Variants in RBFOX3 observed in about 807,000 individuals in gnomAD.
The protein encoded by RBFOX3 is RNA binding fox-1 homolog 3, also known as RNA binding protein fox-1 homolog 3.
In RBFOX3, 17 loss-of-function variants were observed where a neutral mutation model predicts 48.7. That is an observed-to-expected ratio of 0.35 (90% CI 0.24 to 0.52). The LOEUF (loss-of-function observed/expected upper bound fraction) is 0.52. Among genes scored for constraint, RBFOX3 ranks in the 20% least tolerant of loss-of-function variants. The pLI, the probability that RBFOX3 is intolerant of heterozygous loss-of-function variation, is 0.94. For synonymous variants in RBFOX3, 212 were observed against 209.5 expected, an observed-to-expected ratio of 1.01 and a Z score of -0.10; for missense variants, 382 against 497.5, an observed-to-expected ratio of 0.77 and a Z score of 2.21.
chr17:79,479,016 G>A lies in RBFOX3; in HGVS notation c.-175+3438C>T, dbSNP rs2078388254. Among the ~76,000 whole-genome samples, 1 of 152,170 alleles carries A rather than the reference G, an allele frequency of 6.6e-6. No homozygotes were observed. Among genetic ancestry groups the A allele is most frequent in the African/African-American group, 2.4e-5 (1 of 41,440 alleles). Reference sequence around the variant, plus strand: ...AAGCAAGGACTCGCCTGCAGTGATGGGGAGTCTCGGTCGAAGGGCTCCTTG... The same window carrying A: ...AAGCAAGGACTCGCCTGCAGTGATGAGGAGTCTCGGTCGAAGGGCTCCTTG... On this transcript the variant is annotated intron_variant, in intron 2 of 14. Coordinates refer to ENST00000693108, the MANE Select transcript of RBFOX3 (RefSeq NM_001350451.2). This position sits in a 1 kb window ranked among gnomAD's most constrained non-coding sequence, Gnocchi z 5.1.
chr17:79,294,600 A>G (rs1463511048), intron 3 of RBFOX3, among the ~76,000 whole-genome samples: 2 of 152,200 alleles, frequency 1.3e-5, no homozygotes, highest in Non-Finnish European at 2.9e-5. Context: ...ACGCCCCGCT[A>G]GATACCTTTG....
Position 79,124,967 on chromosome 17 carries a change from T to C in RBFOX3, c.-33-9219A>G, listed in dbSNP as rs1422777796. On this transcript the variant is annotated intron_variant, in intron 4 of 14. Coordinates refer to ENST00000693108, the MANE Select transcript of RBFOX3 (RefSeq NM_001350451.2). The stretch of plus-strand genomic sequence containing the variant: ...TCTCCCCACTCCCTGGCTCTAGTCA[T>C]TGCTTCCTCCACGCGCTCCTCCGGG... Among the ~76,000 whole-genome samples the C allele has an allele frequency of 2.0e-5, 3 of 151,992 alleles. No homozygotes were observed. The South Asian group carries it at 6.2e-4, about 32-fold the overall frequency.
At chr17:79,415,512 A>T (rs887166483) in intron 2 of RBFOX3, among the ~76,000 whole-genome samples, 18 of 152,168 alleles carry the variant, frequency 1.2e-4, no homozygotes, top group African/African-American at 4.3e-4. Flanking sequence ...CGGCAGACGC[A>T]GATGGAGGAG....
chr17:79,563,221 GAA>G (rs1246336700), intron 1 of RBFOX3, among the ~76,000 whole-genome samples: 16,403 of 147,542 alleles, frequency 0.11, 1,846 homozygotes, highest in East Asian at 0.36. Flanking sequence ...ACGGGTCTTT[GAA>G]AAAAAAAAAA....
intron 2 of RBFOX3, among the ~76,000 whole-genome samples, chr17:79,357,221 C>T (rs2147171081): frequency 6.6e-6 from 1 of 152,380 alleles, no homozygotes; most frequent in South Asian, 2.1e-4. Context: ...TGTGCTTGCA[C>T]ATGAGCACAC....
chr17:79,154,775 G>T (rs770848475), intron 4 of RBFOX3, among the ~76,000 whole-genome samples: 38 of 152,246 alleles, frequency 2.5e-4, no homozygotes, highest in Non-Finnish European at 4.8e-4. Flanking sequence ...GGAAGGGGAG[G>T]CTGTGGGCAG....
At chr17:79,209,812 T>C (rs1314323087) in intron 4 of RBFOX3, among the ~76,000 whole-genome samples, 3 of 151,750 alleles carry the variant, frequency 2.0e-5, no homozygotes, top group East Asian at 1.9e-4. Flanking sequence ...GCTAACATGG[T>C]GAAACCCCGT....
intron 2 of RBFOX3, among the ~76,000 whole-genome samples, chr17:79,424,827 G>T (rs141832845): frequency 6.6e-6 from 1 of 151,908 alleles, no homozygotes; most frequent in African/African-American, 2.4e-5. Flanking sequence ...CCCCTGACTC[G>T]CCCCATCTCT....
chr17:79,263,182 C>T (rs1220572536), intron 3 of RBFOX3, among the ~76,000 whole-genome samples: 1 of 152,238 alleles, frequency 6.6e-6, no homozygotes, highest in Non-Finnish European at 1.5e-5. Context: ...GCTGTGCTGC[C>T]TCCCCCAACC....
intron 3 of RBFOX3, among the ~76,000 whole-genome samples, chr17:79,288,568 C>T (rs1438555313): frequency 2.6e-5 from 4 of 152,024 alleles, no homozygotes; most frequent in Admixed American, 2.6e-4. Flanking sequence ...CAGTTTCCGT[C>T]CTTACCACGT....
intron 1 of RBFOX3, among the ~76,000 whole-genome samples, chr17:79,511,452 G>A (rs1019131848): frequency 1.0e-3 from 156 of 152,296 alleles, no homozygotes; most frequent in African/African-American, 3.7e-3. Context: ...GTGGAAATGG[G>A]ATAATTGCTG....
chr17:79,285,271 A>G (rs1344146924), intron 3 of RBFOX3, among the ~76,000 whole-genome samples: 3 of 152,224 alleles, frequency 2.0e-5, no homozygotes, highest in Non-Finnish European at 4.4e-5. Context: ...TGGATAGACA[A>G]GCTGCAGTTA....
intron 4 of RBFOX3, among the ~76,000 whole-genome samples, chr17:79,219,789 C>A (rs1361398731): frequency 6.8e-6 from 1 of 146,610 alleles, no homozygotes. Flanking sequence ...GTTTGGGAAG[C>A]GGGAGGAGTA....
chr17:79,138,763 C>A (rs1267370147), intron 4 of RBFOX3, among the ~76,000 whole-genome samples: 1 of 105,440 alleles, frequency 9.5e-6, no homozygotes, highest in Non-Finnish European at 1.9e-5. Flanking sequence ...CCACCATCCA[C>A]AAACATGCAC....
upstream of RBFOX3, among the ~76,000 whole-genome samples, chr17:79,611,174 C>CT (rs1568454632): frequency 3.2e-3 from 52 of 16,380 alleles, 2 homozygotes; most frequent in South Asian, 0.018. Context: ...CTCTCTCTCT[C>CT]CGCCCTCCTT....
intron 1 of RBFOX3, among the ~76,000 whole-genome samples, chr17:79,582,309 C>T (rs1453551216): frequency 6.6e-6 from 1 of 151,876 alleles, no homozygotes; most frequent in Admixed American, 6.6e-5. Flanking sequence ...TGTGCCTATG[C>T]CTGTGTGTGT....
At chr17:79,602,706 T>TTTCATGGGTTGAG (rs1347245573) in intron 1 of RBFOX3, among the ~76,000 whole-genome samples, 1 of 152,180 alleles carries the variant, frequency 6.6e-6, no homozygotes, top group Non-Finnish European at 1.5e-5. Context: ...TGCTTCGGTT[T>TTTCATGGGTTGAG]TTCATGGGTT....
chr17:79,585,683 C>T (rs2093227352), intron 1 of RBFOX3, among the ~76,000 whole-genome samples: 1 of 152,092 alleles, frequency 6.6e-6, no homozygotes, highest in East Asian at 1.9e-4. Context: ...CTGGTCCAGC[C>T]CAGGGAGAGT....
At chr17:79,544,462 A>C (rs1414438897) in intron 1 of RBFOX3, among the ~76,000 whole-genome samples, 1 of 152,096 alleles carries the variant, frequency 6.6e-6, no homozygotes, top group Admixed American at 6.5e-5. Context: ...GAAGGAGGTG[A>C]CAGAGAAGCA....
Sources: allele counts gnomAD v4.1 joint callset (sites outside exome capture counted in the v4.1 genomes callset), GRCh38; gene constraint gnomAD v4.1.1; non-coding constraint Gnocchi (gnomAD v3.1); transcripts MANE v1.5; gene names NCBI Gene and HGNC (gene_info 2026-07-23, HGNC 2026-07-21).